The following RC3H1 variants were observed in gnomAD, a reference collection of about 807,000 sequenced individuals.
RC3H1 encodes ring finger and CCCH-type domains 1.
A neutral mutation model predicts 138.2 loss-of-function variants in RC3H1; 50 were observed. That is an observed-to-expected ratio of 0.36 (90% CI 0.29 to 0.46). The LOEUF is 0.46. Among genes scored for constraint, RC3H1 ranks in the 20% least tolerant of loss-of-function variants. The probability of loss-of-function intolerance (pLI) is 1.00; values close to 1 mark genes in which losing one functional copy is unlikely to be tolerated. For synonymous variants in RC3H1, 462 were observed against 489.1 expected (o/e 0.94, Z 0.73); for missense variants, 1,031 against 1,388.1 (o/e 0.74, Z 4.09).
chr1:174,002,484 T>C (rs752575109), intron 1 of RC3H1, among the ~76,000 whole-genome samples: 1 of 152,204 alleles, frequency 6.6e-6, no homozygotes, highest in Non-Finnish European at 1.5e-5. Flanking sequence ...CTTCAACTTG[T>C]CCTTCATTAT....
chr1:173,968,904 G>C (rs910410984), intron 9 of RC3H1, among the ~76,000 whole-genome samples: 1 of 143,662 alleles, frequency 7.0e-6, no homozygotes, highest in African/African-American at 2.8e-5. Flanking sequence ...TGTCGTTCAG[G>C]CTGGAGTGCT....
intron 14 of RC3H1, among the ~76,000 whole-genome samples, chr1:173,948,963 C>T (rs1659258669): frequency 6.6e-6 from 1 of 151,736 alleles, no homozygotes; most frequent in African/African-American, 2.4e-5. Flanking sequence ...ATATAATAAC[C>T]CTTTCCTTTT....
intron 2 of RC3H1, among the ~76,000 whole-genome samples, chr1:173,989,192 C>T (rs945893889): frequency 1.3e-5 from 2 of 152,162 alleles, no homozygotes; most frequent in African/African-American, 4.8e-5. Flanking sequence ...GCCATCACAC[C>T]CAGCAATTTT....
rs1658453247 is a variant in RC3H1 at position 173,933,151 on chromosome 1, T to C, written c.*5570A>G. On this transcript the variant is annotated 3_prime_UTR_variant, in exon 20 of 20. Transcript: ENST00000367696. The stretch of plus-strand genomic sequence containing the variant: ...CGATATTATGTTGAGGTTTAAGTTC[T>C]TCCCCCTTATTGTGCCTTATTTTCT... 2 of 152,146 alleles carry C rather than the reference T, an allele frequency of 1.3e-5. No individual in the cohort carries two copies. Among genetic ancestry groups the C allele is most frequent in the African/African-American group, 4.8e-5 (2 of 41,452 alleles). 9.4% of individuals were successfully genotyped at this position (152,146 alleles called of 1,614,324 possible).
At chr1:173,988,276 T>C (rs1210774415) in intron 2 of RC3H1, among the ~76,000 whole-genome samples, 2 of 152,256 alleles carry the variant, frequency 1.3e-5, no homozygotes, top group Non-Finnish European at 2.9e-5. Flanking sequence ...GATACTTTTA[T>C]TGTTGCTATG....
At chr1:173,966,461 A>T (rs1660122541) in intron 9 of RC3H1, among the ~76,000 whole-genome samples, 2 of 152,134 alleles carry the variant, frequency 1.3e-5, no homozygotes, top group Admixed American at 1.3e-4. Context: ...CATACCTGTA[A>T]TCCCAGCACT....
At chr1:173,962,879 G>C (rs761577328) in intron 11 of RC3H1, among the ~76,000 whole-genome samples, 6 of 152,158 alleles carry the variant, frequency 3.9e-5, no homozygotes, top group Non-Finnish European at 7.3e-5. Flanking sequence ...TATTTTGCAT[G>C]AATTAGTAAT....
chr1:173,976,032 CAA>C (rs1660566225), intron 7 of RC3H1, among the ~76,000 whole-genome samples: 1 of 148,504 alleles, frequency 6.7e-6, no homozygotes, highest in Non-Finnish European at 1.5e-5. Flanking sequence ...GAGAACACTC[CAA>C]AGAGTACAGG....
intron 2 of RC3H1, among the ~76,000 whole-genome samples, chr1:173,989,365 AT>A (rs1008060939): frequency 8.8e-5 from 13 of 146,904 alleles, no homozygotes; most frequent in Non-Finnish European, 1.6e-4. Flanking sequence ...CCAGCAAAAA[AT>A]TTTTTTTTGT....
Position 173,946,793 on chromosome 1 carries a change from T to C in RC3H1, c.2781A>G (p.Pro927=). The stretch of plus-strand genomic sequence containing the variant: ...AAGGTATGTTTTGATGAGGTGAATA[T>C]GGAGAAGCTCCCCAGCCACCGTGGG... ...YGTHGGWGAS[P]YSPHQNIPSQ... Residue 927 remains proline (P), a synonymous_variant, in exon 16 of 20, where the codon CCA becomes CCG. Transcript: ENST00000367696. 1.9e-6 allele frequency: 3 copies of C among 1,613,808 alleles called. No homozygotes were observed. Among genetic ancestry groups the C allele is most frequent in the Non-Finnish European group, 2.5e-6 (3 of 1,179,686 alleles).
chr1:173,940,467 G>A (rs1371136237), intron 19 of RC3H1, among the ~76,000 whole-genome samples: 7 of 151,316 alleles, frequency 4.6e-5, no homozygotes, highest in South Asian at 2.1e-4. Flanking sequence ...GTGAAGCTCC[G>A]TCTCAAAAAA....
chr1:173,966,295 TACA>T (rs1660114168), intron 9 of RC3H1, among the ~76,000 whole-genome samples: 1 of 152,164 alleles, frequency 6.6e-6, no homozygotes, highest in South Asian at 2.1e-4. Context: ...GATGCTGTGG[TACA>T]ACAAGCACAT....
At position 173,934,805 on chromosome 1, in the gene RC3H1, G is replaced by C. The variant is rs1481496957; in HGVS notation, c.*3916C>G. The C allele has an allele frequency of 6.6e-6, 1 of 152,056 alleles. No homozygotes were observed. Among genetic ancestry groups the C allele is most frequent in the Non-Finnish European group, 1.5e-5 (1 of 68,016 alleles). 9.4% of individuals were successfully genotyped at this position (152,056 alleles called of 1,614,324 possible). A position where few individuals can be genotyped will look rare whatever the true frequency, so the allele number is the denominator to read the frequency against. On this transcript the variant is annotated 3_prime_UTR_variant, in exon 20 of 20. Coordinates refer to ENST00000367696, the MANE Select transcript of RC3H1 (RefSeq NM_172071.4). ...GTGGGTAAGTCAAGGGGAAATTACA[G>C]GGTGGAAAAAGGTCAAGAAAAAAAA...
In RC3H1 at chr1:173,964,899, C is replaced by A. The variant is rs755543428; in HGVS notation, c.1556G>T (p.Ser519Ile). Residue 519 changes from serine (S) to isoleucine (I), a missense_variant, in exon 10 of 20, where the codon AGT (serine) becomes ATT (isoleucine). Transcript: ENST00000367696. ...ATGATCTATTTTTCCTGGTTTCAGA[C>A]TAGAATCATAGCTGGGGTCTGTCCC... ...PRGTDPSYDS[S>I]LKPGKIDHLS... 1 of 1,614,152 alleles carries A rather than the reference C, an allele frequency of 6.2e-7. No individual in the cohort carries two copies. Among genetic ancestry groups the A allele is most frequent in the East Asian group, 2.2e-5 (1 of 44,876 alleles).
chr1:174,007,317 G>C (rs191071630), intron 1 of RC3H1, among the ~76,000 whole-genome samples: 1 of 151,676 alleles, frequency 6.6e-6, no homozygotes, highest in South Asian at 2.1e-4. Flanking sequence ...GTGAACCCGG[G>C]AGGCGGAGCT....
intron 18 of RC3H1, among the ~76,000 whole-genome samples, chr1:173,941,622 T>A (rs1658864978): frequency 6.6e-6 from 1 of 151,706 alleles, no homozygotes; most frequent in Non-Finnish European, 1.5e-5. Context: ...TGAAAAAAAA[T>A]TTCTCAGAAA....
intron 5 of RC3H1, among the ~76,000 whole-genome samples, chr1:173,981,282 G>T (rs1209302374): frequency 6.6e-6 from 1 of 152,142 alleles, no homozygotes; most frequent in East Asian, 1.9e-4. Flanking sequence ...AAATGCTTGG[G>T]CCAGAAGTGT....
chr1:174,007,851 A>G (rs78520993), intron 1 of RC3H1, among the ~76,000 whole-genome samples: 4,322 of 152,266 alleles, frequency 0.028, 95 homozygotes, highest in Non-Finnish European at 0.046. Flanking sequence ...CACAGTTAGG[A>G]AGCTACCCTT....
At chr1:173,980,208 A>G (rs1290798045) in intron 6 of RC3H1, among the ~76,000 whole-genome samples, 1 of 150,182 alleles carries the variant, frequency 6.7e-6, no homozygotes, top group Non-Finnish European at 1.5e-5. Flanking sequence ...CATATTTCCC[A>G]ATTCTCACTG....
Sources: gnomAD v4.1 joint callset for allele counts (sites outside exome capture counted in the v4.1 genomes callset) on GRCh38, gnomAD v4.1.1 for gene constraint, MANE v1.5 for transcripts, NCBI Gene and HGNC (gene_info 2026-07-23, HGNC 2026-07-21) for gene names.